The following ECT2 variants were observed in gnomAD, a reference collection of about 807,000 sequenced individuals.
ECT2 encodes protein ECT2.
In ECT2, 61 loss-of-function variants were observed where a neutral mutation model predicts 116.9. The ratio of observed to expected loss-of-function variants is 0.52; its 90% CI spans 0.42 to 0.65. The LOEUF (loss-of-function observed/expected upper bound fraction) is 0.65, where lower values mean the gene tolerates loss of function less well. Ranked by LOEUF, ECT2 falls within the 30% of genes least tolerant of loss-of-function variation. The pLI, the probability that ECT2 is intolerant of heterozygous loss-of-function variation, is 0.00. For synonymous variants in ECT2, 358 were observed against 346.4 expected (o/e 1.03, Z -0.37); for missense variants, 937 against 1,078.7 (o/e 0.87, Z 1.84).
intron 11 of ECT2, among the ~76,000 whole-genome samples, chr3:172,763,511 T>C (rs1304256354): frequency 6.6e-6 from 1 of 152,238 alleles, no homozygotes; most frequent in African/African-American, 2.4e-5. Flanking sequence ...TAAAACTTAA[T>C]GGATAGATAG....
rs1718882689 is a variant in ECT2, at chr3:172,764,205, T to C, written c.1069-73T>C. On this transcript the variant is annotated intron_variant, in intron 11 of 24. Transcript: ENST00000392692. The stretch of plus-strand genomic sequence containing the variant: ...ATCCAGATTCTGTCAGACTTGTAAA[T>C]ATATTTTTCTCTTGTTCCTGTCTCA... 3 of 1,307,662 alleles carry C rather than the reference T, an allele frequency of 2.3e-6. No homozygotes were observed. In the South Asian group the frequency reaches 3.8e-5, roughly 17 times the overall value. 81.0% of individuals were successfully genotyped at this position (1,307,662 alleles called of 1,614,324 possible).
intron 18 of ECT2, among the ~76,000 whole-genome samples, chr3:172,793,994 A>C (rs1043492304): frequency 6.6e-6 from 1 of 152,098 alleles, no homozygotes; most frequent in African/African-American, 2.4e-5. Context: ...TCGAGTTAAA[A>C]GGCTTTTTTT....
chr3:172,786,870 T>A (rs1041659672), intron 18 of ECT2, among the ~76,000 whole-genome samples: 1 of 152,180 alleles, frequency 6.6e-6, no homozygotes, highest in African/African-American at 2.4e-5. Flanking sequence ...TCATAGCTTG[T>A]TTCTGTCTTC....
chr3:172,769,174 CT>C (rs1720130969), intron 13 of ECT2, 31 bp downstream of exon 13: 1 of 1,572,484 alleles, frequency 6.4e-7, no homozygotes, highest in African/African-American at 1.4e-5. Context: ...AAAATGATTT[CT>C]GTTCCAGTGT....
intron 20 of ECT2, among the ~76,000 whole-genome samples, chr3:172,804,888 T>C (rs1372587914): frequency 1.0e-5 from 1 of 97,770 alleles, no homozygotes; most frequent in Admixed American, 1.2e-4. Flanking sequence ...CTTGAATCTA[T>C]TGATTTTTTT....
chr3:172,781,217 T>A (rs143141347), intron 14 of ECT2, among the ~76,000 whole-genome samples: 1 of 152,236 alleles, frequency 6.6e-6, no homozygotes, highest in African/African-American at 2.4e-5. Flanking sequence ...ACAAAAATAA[T>A]TAGTAAGGGG....
intron 23 of ECT2, among the ~76,000 whole-genome samples, chr3:172,816,488 C>T (rs1365001761): frequency 6.6e-6 from 1 of 152,106 alleles, no homozygotes; most frequent in African/African-American, 2.4e-5. Flanking sequence ...TCTCCTCCTC[C>T]TTCCATTGGA....
chr3:172,762,969 A>G lies in ECT2; in HGVS notation c.1065A>G (p.Glu355=), dbSNP rs1183449579. Reference sequence around the variant, plus strand: ...CTGGAGAAACTATGTATTTATATGAAAAGGTATGCTTTTAACCCCTTACTT... The same window carrying G: ...CTGGAGAAACTATGTATTTATATGAGAAGGTATGCTTTTAACCCCTTACTT... The part of the protein sequence containing the change: ...ARAGETMYLY[E]KANTPELKKS... Residue 355 remains glutamate, a synonymous_variant, in exon 11 of 25, where the codon GAA becomes GAG. Transcript: ENST00000392692. 1.2e-6 allele frequency: 2 copies of G among 1,613,788 alleles called. No homozygotes were observed.
intron 1 of ECT2, 113 bp from the exon 2 acceptor site, chr3:172,754,396 T>TA (rs906360977): frequency 1.4e-5 from 11 of 759,584 alleles, no homozygotes; most frequent in South Asian, 7.2e-5. Flanking sequence ...TTTGGTTCAT[T>TA]AAAAAAATGG....
chr3:172,828,863 C>T, the ECT2 span: 1 of 1,161,894 alleles, frequency 8.6e-7, no homozygotes, highest in Non-Finnish European at 1.3e-6. Flanking sequence ...AGACGAGTGC[C>T]TGAGAGACGG....
At chr3:172,809,441 A>G (rs1176742768) in intron 22 of ECT2, among the ~76,000 whole-genome samples, 1 of 152,100 alleles carries the variant, frequency 6.6e-6, no homozygotes, top group East Asian at 1.9e-4. Flanking sequence ...TTCTTAAGAA[A>G]TACGTTTGTA....
Position 172,804,547 on chromosome 3 carries a change from G to A in ECT2, c.2107-1184G>A, listed in dbSNP as rs577627413. On this transcript the variant is annotated intron_variant, in intron 20 of 24. Transcript: ENST00000392692. ...TTTCAATTATATTTTATCTGGATTC[G>A]CATCATCATGGGGTTTTACTGTATA... Among the ~76,000 whole-genome samples the A allele has an allele frequency of 5.3e-5, 8 of 152,150 alleles. No individual in the cohort carries two copies. In the South Asian group the frequency reaches 1.2e-3, roughly 24 times the overall value.
intron 24 of ECT2, among the ~76,000 whole-genome samples, chr3:172,819,490 C>G (rs1280291180): frequency 1.3e-5 from 2 of 151,432 alleles, no homozygotes; most frequent in Non-Finnish European, 2.9e-5. Context: ...AATTTTTATA[C>G]GGAACGAAAT....
intron 18 of ECT2, among the ~76,000 whole-genome samples, chr3:172,799,163 C>G (rs1726262846): frequency 6.6e-6 from 1 of 152,082 alleles, no homozygotes; most frequent in African/African-American, 2.4e-5. Context: ...AGTCTAGATC[C>G]TAAATTCTTC....
Position 172,756,870 on chromosome 3 carries a change from A to G in ECT2, c.304-113A>G, listed in dbSNP as rs1343800191. ...TGTGATAGAAACTTATTTTCTACAAATATAAACATGTTAAAGTTGATATTG... is the reference window on the plus strand; with the variant it reads ...TGTGATAGAAACTTATTTTCTACAAGTATAAACATGTTAAAGTTGATATTG... On this transcript the variant is annotated intron_variant, in intron 4 of 24. Coordinates refer to ENST00000392692, the MANE Select transcript of ECT2 (RefSeq NM_001258315.2). The G allele has an allele frequency of 5.5e-6, 5 of 907,270 alleles. No individual in the cohort carries two copies. In the Admixed American group the frequency reaches 1.2e-4, roughly 21 times the overall value. The allele number at this position is 907,270 out of a possible 1,614,324, so 56.2% of individuals were successfully genotyped here. A position where few individuals can be genotyped will look rare whatever the true frequency, so the allele number is the denominator to read the frequency against.
chr3:172,791,630 C>T (rs1042532440), intron 18 of ECT2, among the ~76,000 whole-genome samples: 12 of 152,196 alleles, frequency 7.9e-5, no homozygotes, highest in African/African-American at 2.7e-4. Flanking sequence ...TTACCTCTCT[C>T]AGCTTTTGCA....
chr3:172,785,343 T>C (rs1011096957), intron 17 of ECT2, among the ~76,000 whole-genome samples: 1 of 152,130 alleles, frequency 6.6e-6, no homozygotes, highest in African/African-American at 2.4e-5. Flanking sequence ...AATGTGTATG[T>C]ATATTTTGTT....
intron 1 of ECT2, chr3:172,752,423 C>A (rs775641919): frequency 6.6e-6 from 1 of 152,052 alleles, no homozygotes; most frequent in African/African-American, 2.4e-5. Flanking sequence ...CCACCGCGTC[C>A]GGCCTTTCAA....
downstream of ECT2, among the ~76,000 whole-genome samples, chr3:172,823,738 A>G (rs1397785911): frequency 1.3e-5 from 2 of 152,212 alleles, no homozygotes; most frequent in African/African-American, 2.4e-5. Context: ...CTTAATTTAA[A>G]AATACATGAT....
Sources: gnomAD v4.1 joint callset for allele counts (sites outside exome capture counted in the v4.1 genomes callset) on GRCh38, gnomAD v4.1.1 for gene constraint, MANE v1.5 for transcripts, NCBI Gene and HGNC (gene_info 2026-07-23, HGNC 2026-07-21) for gene names.